The following TRAF7 variants were observed in gnomAD, a reference collection of about 807,000 sequenced individuals.
TRAF7 encodes TNF receptor associated factor 7, also known as E3 ubiquitin-protein ligase TRAF7.
A neutral mutation model predicts 89.3 loss-of-function variants in TRAF7; 45 were observed. That is an observed-to-expected ratio of 0.50 (90% CI 0.40 to 0.65). TRAF7 has a LOEUF of 0.65. Ranked by LOEUF, TRAF7 falls within the 30% of genes least tolerant of loss-of-function variation. TRAF7 has a pLI of 0.00. For synonymous variants in TRAF7, 406 were observed against 369.2 expected (o/e 1.10, Z -1.14); for missense variants, 677 against 918.1 (o/e 0.74, Z 3.39).
At position 2,168,575 on chromosome 16, in the gene TRAF7, G is replaced by GT; in HGVS notation, c.231+408dup. ...GGGTCCAGGCAGGGTTTGAGGAGGG[G>GT]TCCTGATGAGGCGGGGGGAAAGGTG... On this transcript the variant is annotated intron_variant, in intron 4 of 20. Coordinates refer to ENST00000326181, the MANE Select transcript of TRAF7 (RefSeq NM_032271.3). The surrounding 1 kb of genome is among the most constrained non-coding windows in gnomAD (Gnocchi z 4.1). The GT allele has an allele frequency of 5.6e-6, 1 of 177,930 alleles. No homozygotes were observed. The highest frequency in any genetic ancestry group is 1.2e-5 in the Non-Finnish European group (1 of 84,028). The allele number at this position is 177,930 out of a possible 1,614,324, so 11.0% of individuals were successfully genotyped here. A position where few individuals can be genotyped will look rare whatever the true frequency, so the allele number is the denominator to read the frequency against.
rs1011002097 is a variant in TRAF7 at position 2,161,657 on chromosome 16, G to A, written c.-38-2226G>A. ...CGGTGATCCCCTCCCTGCTCCCAGAGGGCAGGAGCCAACCTGGGGCTCCCA... is the reference window on the plus strand; with the variant it reads ...CGGTGATCCCCTCCCTGCTCCCAGAAGGCAGGAGCCAACCTGGGGCTCCCA... On this transcript the variant is annotated intron_variant, in intron 1 of 20. Transcript: ENST00000326181. The surrounding 1 kb of genome is among the most constrained non-coding windows in gnomAD (Gnocchi z 5.2). Among the ~76,000 whole-genome samples, 1 of 152,152 alleles carries A rather than the reference G, an allele frequency of 6.6e-6. No individual in the cohort carries two copies. The highest frequency in any genetic ancestry group is 1.5e-5 in the Non-Finnish European group (1 of 68,026).
Position 2,168,074 on chromosome 16 carries a change from C to A in TRAF7, c.140-3C>A. ...CTGAGACGCCAGCCCTCTTGCCTTG[C>A]AGCTGACGGGACCAGCACCTACAAG... On this transcript the variant is annotated splice_polypyrimidine_tract_variant and splice_region_variant and intron_variant, in intron 3 of 20. Coordinates refer to ENST00000326181, the MANE Select transcript of TRAF7 (RefSeq NM_032271.3). This position sits in a 1 kb window ranked among gnomAD's most constrained non-coding sequence, Gnocchi z 4.1. 6.2e-7 allele frequency: 1 copy of A among 1,610,878 alleles called. No individual in the cohort carries two copies. The highest frequency in any genetic ancestry group is 8.5e-7 in the Non-Finnish European group (1 of 1,179,776).
chr16:2,174,981 A>G (rs2093129637), intron 14 of TRAF7, 130 bp from the exon 15 acceptor site: 3 of 1,139,656 alleles, frequency 2.6e-6, no homozygotes, highest in East Asian at 2.3e-5. Context: ...GCTTAAGGAC[A>G]CAGCAGTGGC....
In TRAF7 at chr16:2,176,102, C is replaced by T. The variant is rs761003781; in HGVS notation, c.1800C>T (p.Gly600=). 2 of 1,611,130 alleles carry T rather than the reference C, an allele frequency of 1.2e-6. No individual in the cohort carries two copies. The highest frequency in any genetic ancestry group is 1.7e-6 in the Non-Finnish European group (2 of 1,179,372). ...TGCGGACCCTCACGGGCCACGTGGG[C>T]ACCGTGTATGCCCTGGCGGTCATCT... ...EQVRTLTGHV[G]TVYALAVIST... is the part of the protein sequence containing the mutation. Residue 600 remains glycine (G), a synonymous_variant, in exon 19 of 21, where the codon GGC becomes GGT. Coordinates refer to ENST00000326181, the MANE Select transcript of TRAF7 (RefSeq NM_032271.3).
rs1232182901 is a variant in TRAF7, at chr16:2,161,089, C to T, written c.-38-2794C>T. 6.6e-6 allele frequency among the ~76,000 whole-genome samples: 1 copy of T among 152,132 alleles called. No individual in the cohort carries two copies. Among genetic ancestry groups the T allele is most frequent in the Non-Finnish European group, 1.5e-5 (1 of 68,004 alleles). On this transcript the variant is annotated intron_variant, in intron 1 of 20. Transcript: ENST00000326181. This position sits in a 1 kb window ranked among gnomAD's most constrained non-coding sequence, Gnocchi z 5.2. ...TTCCCTGGCCTCCAGCCCCAGGGTC[C>T]CGCCCGCCTCCATGTCCCTGGCTGG...
rs369744062 is a variant in TRAF7, at chr16:2,173,853, C to T, written c.1135+17C>T. The T allele has an allele frequency of 1.1e-4, 181 of 1,610,540 alleles. No individual in the cohort carries two copies. The highest frequency in any genetic ancestry group is 1.5e-4 in the Non-Finnish European group (172 of 1,179,674). On this transcript the variant is annotated intron_variant, in intron 12 of 20. Coordinates refer to ENST00000326181, the MANE Select transcript of TRAF7 (RefSeq NM_032271.3). ...TCCTAGGCTGTGAGTATGGACCCGC[C>T]GTGGCTCCCGCCCACCCTCCCCCCC...
intron 1 of TRAF7, among the ~76,000 whole-genome samples, chr16:2,157,412 C>T (rs1387307042): frequency 2.6e-5 from 4 of 152,148 alleles, no homozygotes; most frequent in African/African-American, 7.2e-5. Context: ...CCAAGTGTTA[C>T]GATATTTCTG....
At chr16:2,160,957 T>C (rs1257589698) in intron 1 of TRAF7, among the ~76,000 whole-genome samples, 2 of 152,002 alleles carry the variant, frequency 1.3e-5, no homozygotes, top group Non-Finnish European at 2.9e-5. Flanking sequence ...CTGGGGAAAC[T>C]TACTGCAAAA....
rs2093045621 is a variant in TRAF7, at chr16:2,158,646, A to G, written c.-39+2788A>G. Among the ~76,000 whole-genome samples, 1 of 151,658 alleles carries G rather than the reference A, an allele frequency of 6.6e-6. No individual in the cohort carries two copies. The highest frequency in any genetic ancestry group is 2.4e-5 in the African/African-American group (1 of 41,270). On this transcript the variant is annotated intron_variant, in intron 1 of 20. Coordinates refer to ENST00000326181, the MANE Select transcript of TRAF7 (RefSeq NM_032271.3). This position sits in a 1 kb window ranked among gnomAD's most constrained non-coding sequence, Gnocchi z 4.7. ...TCCTGTTGCCTCTTCGGGCCCATGT[A>G]TGGCCAGTGTTTATGTCAGCTCCCT...
At chr16:2,165,804 T>C (rs1007713684) in intron 2 of TRAF7, 75 bp from the exon 3 acceptor site, 30 of 1,579,754 alleles carry the variant, frequency 1.9e-5, no homozygotes, top group Non-Finnish European at 2.5e-5. Context: ...GTGTTAGGCA[T>C]GTGAGTGGGC....
rs1299304210 is a variant in TRAF7 at position 2,162,434 on chromosome 16, G to A, written c.-38-1449G>A. On this transcript the variant is annotated intron_variant, in intron 1 of 20. Coordinates refer to ENST00000326181, the MANE Select transcript of TRAF7 (RefSeq NM_032271.3). This position sits in a 1 kb window ranked among gnomAD's most constrained non-coding sequence, Gnocchi z 5.0. ...CATGCAGGGCGGGCATGGCCAAAGG[G>A]ACCCAGTCAGGAGGGACTGATGGAG... is the stretch of plus-strand genomic sequence containing the variant. Among the ~76,000 whole-genome samples the A allele has an allele frequency of 6.6e-6, 1 of 152,140 alleles. No individual in the cohort carries two copies. The highest frequency in any genetic ancestry group is 1.5e-5 in the Non-Finnish European group (1 of 68,006).
chr16:2,174,201 T>A (rs1244721030), intron 13 of TRAF7, 50 bp from the exon 14 acceptor site: 4 of 1,602,132 alleles, frequency 2.5e-6, no homozygotes. Context: ...TGCTGCCCCT[T>A]GACACTGGGC....
chr16:2,167,359 C>T (rs988348346), intron 3 of TRAF7, among the ~76,000 whole-genome samples: 3 of 152,226 alleles, frequency 2.0e-5, no homozygotes, highest in African/African-American at 7.2e-5. Flanking sequence ...CTCATCGTGA[C>T]ATCTGAGCTG....
In TRAF7 at chr16:2,168,118, T is replaced by G. The variant is rs1389411390; in HGVS notation, c.181T>G (p.Ser61Ala). ...STYKQHCRTP[S>A]SSSTLAYSPR... ...CTACAAGCAGCACTGCAGGACACCC[T>G]CCTCCTCCAGCACCCTTGCCTACTC... The change falls in exon 4 of 21, where the codon TCC (serine) becomes GCC (alanine). Residue 61 changes from serine (S) to alanine (A), a missense_variant. Physicochemically the swap from Ser to Ala is moderately conservative, Grantham distance 99 (BLOSUM62 1). Transcript: ENST00000326181. The surrounding 1 kb of genome is among the most constrained non-coding windows in gnomAD (Gnocchi z 4.1). 7 of 1,611,754 alleles carry G rather than the reference T, an allele frequency of 4.3e-6. No homozygotes were observed. The highest frequency in any genetic ancestry group is 5.9e-6 in the Non-Finnish European group (7 of 1,179,710).
At chr16:2,172,811 C>T (rs2093118720) in intron 9 of TRAF7, among the ~76,000 whole-genome samples, 2 of 151,494 alleles carry the variant, frequency 1.3e-5, no homozygotes, top group East Asian at 3.9e-4. Flanking sequence ...CGCAGCCGGC[C>T]CAGCATGGGC....
chr16:2,170,627 C>T lies in TRAF7; in HGVS notation c.245C>T (p.Thr82Ile), dbSNP rs141444291. 6.8e-6 allele frequency: 11 copies of T among 1,607,036 alleles called. No homozygotes were observed. Among genetic ancestry groups the T allele is most frequent in the Non-Finnish European group, 8.5e-6 (10 of 1,177,474 alleles). ...DEEDSMPPIS[T>I]PRRSDSAISV... ...CCCTCCACACAGCCCCCCATCAGCA[C>T]TCCCCGCCGCTCCGACTCCGCCATC... is the stretch of plus-strand genomic sequence containing the variant. The change falls in exon 5 of 21, where the codon ACT (threonine) becomes ATT (isoleucine). Residue 82 changes from threonine to isoleucine, a missense_variant. Thr to Ile is a moderately conservative substitution (Grantham distance 89, BLOSUM62 -1). Transcript: ENST00000326181.
chr16:2,171,397 C>A (rs1266997360), intron 6 of TRAF7, 41 bp downstream of exon 6: 1 of 1,538,318 alleles, frequency 6.5e-7, no homozygotes, highest in South Asian at 1.2e-5. Context: ...CTGCCAGAGG[C>A]CCCCACAGGA....
rs955309501 is a variant in TRAF7, at chr16:2,161,677, C to A, written c.-38-2206C>A. Among the ~76,000 whole-genome samples the A allele has an allele frequency of 6.6e-6, 1 of 152,186 alleles. No individual in the cohort carries two copies. The highest frequency in any genetic ancestry group is 2.4e-5 in the African/African-American group (1 of 41,454). On this transcript the variant is annotated intron_variant, in intron 1 of 20. Coordinates refer to ENST00000326181, the MANE Select transcript of TRAF7 (RefSeq NM_032271.3). The surrounding 1 kb of genome is among the most constrained non-coding windows in gnomAD (Gnocchi z 5.2). ...CCAGAGGGCAGGAGCCAACCTGGGGCTCCCAAAAGGGCTGAACCTCCTGTG... is the reference window on the plus strand; with the variant it reads ...CCAGAGGGCAGGAGCCAACCTGGGGATCCCAAAAGGGCTGAACCTCCTGTG...
rs764534826 is a variant in TRAF7, at chr16:2,171,565, T to C, written c.442-7T>C. The C allele has an allele frequency of 3.1e-6, 5 of 1,613,286 alleles. No individual in the cohort carries two copies. Among genetic ancestry groups the C allele is most frequent in the Non-Finnish European group, 4.2e-6 (5 of 1,179,904 alleles). ...GCCACCCTCAAGCCCGCCCTTTGCC[T>C]CCACAGCACACGTTCTGTAGGAGAT... On this transcript the variant is annotated splice_polypyrimidine_tract_variant and splice_region_variant and intron_variant, in intron 6 of 20. Transcript: ENST00000326181.
Sources: allele counts gnomAD v4.1 joint callset (sites outside exome capture counted in the v4.1 genomes callset), GRCh38; gene constraint gnomAD v4.1.1; non-coding constraint Gnocchi (gnomAD v3.1); transcripts MANE v1.5; gene names NCBI Gene and HGNC (gene_info 2026-07-23, HGNC 2026-07-21).